The following EPB41L1 variants were observed in gnomAD, a reference collection of about 807,000 sequenced individuals.
EPB41L1 encodes the protein erythrocyte membrane protein band 4.1 like 1.
In EPB41L1, 29 loss-of-function variants were observed where a neutral mutation model predicts 97.8. The observed-to-expected ratio is 0.30, with a 90% confidence interval of 0.22 to 0.40. The LOEUF (loss-of-function observed/expected upper bound fraction) is 0.40, where lower values mean the gene tolerates loss of function less well. EPB41L1 is among the 10% of genes least tolerant of loss of function. EPB41L1 has a pLI of 1.00. For synonymous variants in EPB41L1, 383 were observed against 459.2 expected (o/e 0.83, Z 2.12); for missense variants, 812 against 1,162.3 (o/e 0.70, Z 4.38).
At chr20:36,161,561 C>T (rs547532734) in intron 1 of EPB41L1, among the ~76,000 whole-genome samples, 6 of 149,058 alleles carry the variant, frequency 4.0e-5, no homozygotes, top group Non-Finnish European at 7.4e-5. Context: ...CTGCAACCTC[C>T]GCCTCCCCGG....
At chr20:36,224,572 G>A (rs1013621359) in intron 21 of EPB41L1, among the ~76,000 whole-genome samples, 7 of 152,350 alleles carry the variant, frequency 4.6e-5, no homozygotes, top group Admixed American at 1.3e-4. Context: ...CCTTAACCTA[G>A]GAGGCGGAGG....
rs372650573 is a variant in EPB41L1, at chr20:36,177,213, C to G, written c.343-739C>G. On this transcript the variant is annotated intron_variant, in intron 3 of 21. Coordinates refer to ENST00000338074, the MANE Select transcript of EPB41L1 (RefSeq NM_012156.2). ...CTGCCTCTTTGGGTGGTGACTGCCT[C>G]CTGTTCCCCTGCCATGTGATCCCCT... is the stretch of plus-strand genomic sequence containing the variant. 2.0e-5 allele frequency among the ~76,000 whole-genome samples: 3 copies of G among 152,312 alleles called. No homozygotes were observed. In the South Asian group the frequency reaches 6.2e-4, roughly 32 times the overall value.
chr20:36,109,390 G>T (rs1187011426), intron 1 of EPB41L1, among the ~76,000 whole-genome samples: 1 of 152,214 alleles, frequency 6.6e-6, no homozygotes, highest in African/African-American at 2.4e-5. Flanking sequence ...ACTAATGGTG[G>T]TTGAGGGGAT....
At chr20:36,154,638 G>T, upstream of EPB41L1, 1 of 960,954 alleles carries the variant, frequency 1.0e-6, no homozygotes, top group Non-Finnish European at 1.2e-6. The surrounding 1 kb of genome is among the most constrained non-coding windows in gnomAD (Gnocchi z 5.5). Context: ...GGCCGGGGCG[G>T]GGGCGGGGGC....
At chr20:36,103,851 C>T (rs745639298) in intron 1 of EPB41L1, among the ~76,000 whole-genome samples, 27 of 151,754 alleles carry the variant, frequency 1.8e-4, no homozygotes, top group Admixed American at 3.3e-4. Context: ...TACAGGCGCC[C>T]GCCACCATGC....
Position 36,195,956 on chromosome 20 carries a change from C to T in EPB41L1, c.1485+592C>T, listed in dbSNP as rs527663283. The stretch of plus-strand genomic sequence containing the variant: ...CCCCAGGCAGGGTCGACTACTGCTC[C>T]GCTATGGCAAAAACCTCCTCCTTTT... On this transcript the variant is annotated intron_variant, in intron 13 of 21. Transcript: ENST00000338074. This position sits in a 1 kb window ranked among gnomAD's most constrained non-coding sequence, Gnocchi z 4.6. 2.0e-5 allele frequency among the ~76,000 whole-genome samples: 3 copies of T among 152,334 alleles called. No homozygotes were observed. Among genetic ancestry groups the T allele is most frequent in the South Asian group, 2.1e-4 (1 of 4,828 alleles).
chr20:36,226,623 G>A (rs1032180996), intron 21 of EPB41L1, among the ~76,000 whole-genome samples: 7 of 152,170 alleles, frequency 4.6e-5, no homozygotes, highest in African/African-American at 1.7e-4. Flanking sequence ...CATCCATGCA[G>A]CATGGTAGTT....
chr20:36,106,905 C>G (rs949866739), intron 1 of EPB41L1, among the ~76,000 whole-genome samples: 11 of 152,122 alleles, frequency 7.2e-5, no homozygotes, highest in African/African-American at 2.7e-4. Flanking sequence ...CAGGCTCAAG[C>G]GATTCTCCTT....
At chr20:36,177,159 AC>A (rs1325914368) in intron 3 of EPB41L1, among the ~76,000 whole-genome samples, 1 of 152,120 alleles carries the variant, frequency 6.6e-6, no homozygotes, top group Non-Finnish European at 1.5e-5. Flanking sequence ...GCCAGACCTT[AC>A]AGGGGTCTCA....
chr20:36,154,809 GCCGCC>G lies in EPB41L1; in HGVS notation c.-92_-88del. ...TCCGCAGAGCCCGCCGCGACCCCGC[GCCGCC>G]CCGCCCCGCGGCCTGCCTGCCAGAG... is the stretch of plus-strand genomic sequence containing the variant. On this transcript the variant is annotated 5_prime_UTR_variant, in exon 1 of 22. Transcript: ENST00000338074. The surrounding 1 kb of genome is among the most constrained non-coding windows in gnomAD (Gnocchi z 5.5). 1.0e-6 allele frequency: 1 copy of G among 990,664 alleles called. No homozygotes were observed. The highest frequency in any genetic ancestry group is 1.2e-6 in the Non-Finnish European group (1 of 833,210). 61.4% of individuals were successfully genotyped at this position (990,664 alleles called of 1,614,324 possible).
At chr20:36,123,610 T>G (rs968469300) in intron 2 of EPB41L1, among the ~76,000 whole-genome samples, 3 of 152,156 alleles carry the variant, frequency 2.0e-5, no homozygotes, top group Admixed American at 2.0e-4. Flanking sequence ...CTGGCTAATT[T>G]TTGTAGAGAC....
At chr20:36,153,603 C>T (rs146404146), upstream of EPB41L1, among the ~76,000 whole-genome samples, 56 of 152,296 alleles carry the variant, frequency 3.7e-4, no homozygotes, top group Non-Finnish European at 6.6e-4. Flanking sequence ...GGAGATCATG[C>T]TGCGGTTACC....
chr20:36,172,457 C>G (rs2061033351), intron 1 of EPB41L1, among the ~76,000 whole-genome samples: 1 of 152,224 alleles, frequency 6.6e-6, no homozygotes, highest in Non-Finnish European at 1.5e-5. Flanking sequence ...CTTATGTCAC[C>G]CAGTTCCCAG....
At position 36,229,418 on chromosome 20, in the gene EPB41L1, C is replaced by A; in HGVS notation, c.*78C>A. 6.8e-7 allele frequency: 1 copy of A among 1,467,578 alleles called. No homozygotes were observed. Among genetic ancestry groups the A allele is most frequent in the Non-Finnish European group, 9.5e-7 (1 of 1,048,734 alleles). 90.9% of individuals were successfully genotyped at this position (1,467,578 alleles called of 1,614,324 possible). On this transcript the variant is annotated 3_prime_UTR_variant, in exon 22 of 22. Transcript: ENST00000338074. ...TAAGAAGGGGCCTTCATTCTGGATT[C>A]TCCGACGCAACACTGACGTCCCAGC...
In EPB41L1 at chr20:36,170,578, A is replaced by C. The variant is rs570082431; in HGVS notation, c.-14-3186A>C. Among the ~76,000 whole-genome samples the C allele has an allele frequency of 4.6e-5, 7 of 152,306 alleles. No individual in the cohort carries two copies. The East Asian group carries it at 1.3e-3, about 29-fold the overall frequency. ...ATGGAATGCAGAGGTGGCTCCTGCC[A>C]CGTCCTTGGTGTCTAGCGTGAACCT... On this transcript the variant is annotated intron_variant, in intron 1 of 21. Coordinates refer to ENST00000338074, the MANE Select transcript of EPB41L1 (RefSeq NM_012156.2).
intron 2 of EPB41L1, among the ~76,000 whole-genome samples, chr20:36,123,778 AG>A (rs1309158073): frequency 6.6e-6 from 1 of 152,242 alleles, no homozygotes; most frequent in African/African-American, 2.4e-5. Context: ...AAGGAATGGG[AG>A]TTAGATGAAG....
At chr20:36,138,369 A>C (rs2059499982) in intron 2 of EPB41L1, among the ~76,000 whole-genome samples, 1 of 150,922 alleles carries the variant, frequency 6.6e-6, no homozygotes, top group Admixed American at 6.6e-5. Flanking sequence ...AGGTTCAAGC[A>C]GTTCTCCTGC....
chr20:36,165,224 T>G (rs2060690758), intron 1 of EPB41L1, among the ~76,000 whole-genome samples: 1 of 150,534 alleles, frequency 6.6e-6, no homozygotes, highest in East Asian at 2.0e-4. Flanking sequence ...TCAAGTGATT[T>G]GCCTGCCTCG....
At chr20:36,182,636 T>A (rs1350076418) in intron 6 of EPB41L1, among the ~76,000 whole-genome samples, 1 of 152,232 alleles carries the variant, frequency 6.6e-6, no homozygotes, top group East Asian at 1.9e-4. Context: ...AAACAGTTGC[T>A]GTTCCCCTCC....
Sources: gnomAD v4.1 joint callset for allele counts (sites outside exome capture counted in the v4.1 genomes callset) on GRCh38, gnomAD v4.1.1 for gene constraint, Gnocchi (gnomAD v3.1) non-coding constraint, MANE v1.5 for transcripts, NCBI Gene and HGNC (gene_info 2026-07-23, HGNC 2026-07-21) for gene names.